THSD4: variants seen among roughly 807,000 people sequenced by gnomAD.
THSD4 encodes the protein thrombospondin type 1 domain containing 4.
THSD4 carries 69 observed loss-of-function variants against 119.0 expected under a neutral mutation model. The ratio of observed to expected loss-of-function variants is 0.58; its 90% CI spans 0.48 to 0.71. The LOEUF is 0.71. Among genes scored for constraint, THSD4 ranks in the 30% least tolerant of loss-of-function variants. THSD4 has a pLI of 0.00. For missense variants in THSD4, 1,393 were observed against 1,391.1 expected (o/e 1.00, Z -0.02); for synonymous variants, 524 against 540.4 (o/e 0.97, Z 0.42).
At chr15:71,510,337 T>C (rs2048260723) in intron 7 of THSD4, among the ~76,000 whole-genome samples, 2 of 152,230 alleles carry the variant, frequency 1.3e-5, no homozygotes, top group Admixed American at 1.3e-4. Context: ...GACAAATCTA[T>C]ACTAGGCACT....
chr15:71,480,157 C>T (rs1390448974), intron 7 of THSD4, among the ~76,000 whole-genome samples: 1 of 152,220 alleles, frequency 6.6e-6, no homozygotes, highest in Non-Finnish European at 1.5e-5. Context: ...CCACCCAAGC[C>T]TCCCAAGTAG....
At chr15:71,652,494 A>G (rs1032772599) in intron 7 of THSD4, among the ~76,000 whole-genome samples, 6 of 152,274 alleles carry the variant, frequency 3.9e-5, no homozygotes, top group African/African-American at 1.4e-4. Context: ...ATTTCAATCC[A>G]TGGAGGAGGA....
rs191394275 is a variant in THSD4, at chr15:71,459,905, A to G, written c.1152+48082A>G. ...GATTGTGTTCTCTCTTAAAGACTAT[A>G]TATTCAGTCTCACACAGCCCGGATC... On this transcript the variant is annotated intron_variant, in intron 7 of 17. Coordinates refer to ENST00000261862, the MANE Select transcript of THSD4 (RefSeq NM_024817.3). 2.6e-3 allele frequency among the ~76,000 whole-genome samples: 400 copies of G among 152,042 alleles called. 2 individuals are homozygous for G. The highest frequency in any genetic ancestry group is 9.0e-3 in the African/African-American group (374 of 41,428).
Position 71,215,390 on chromosome 15 carries a change from G to C in THSD4, c.455G>C (p.Gly152Ala), listed in dbSNP as rs1298552782. The change falls in exon 4 of 18, where the codon GGG (glycine) becomes GCG (alanine). Residue 152 changes from glycine (G) to alanine (A), a missense_variant. Physicochemically the swap from Gly to Ala is moderately conservative, Grantham distance 60. Coordinates refer to ENST00000261862, the MANE Select transcript of THSD4 (RefSeq NM_024817.3). ...CAGCCCCAGGGCCTCGAAGTCACTG[G>C]GGACAGAAGGTACACGCCCGCCCTT... ...HPQPQGLEVT[G>A]DRRSRTRGTI... 4 of 1,529,332 alleles carry C rather than the reference G, an allele frequency of 2.6e-6. No individual in the cohort carries two copies. The South Asian group carries it at 3.6e-5, about 14-fold the overall frequency. 94.7% of individuals were successfully genotyped at this position (1,529,332 alleles called of 1,614,324 possible).
rs192720960 is a variant in THSD4 at position 71,736,994 on chromosome 15, A to G, written c.1631-738A>G. On this transcript the variant is annotated intron_variant, in intron 10 of 17. Transcript: ENST00000261862. ...TTCTGCTTTTTTCTTTCACCAAACA[A>G]TATTGTCATTTCTTCATGTCGGAAC... 1.3e-3 allele frequency among the ~76,000 whole-genome samples: 203 copies of G among 152,308 alleles called. 2 individuals carry two copies. Among genetic ancestry groups the G allele is most frequent in the Middle Eastern group, 0.01 (3 of 294 alleles).
At chr15:71,138,293 C>A (rs1454327838) in intron 1 of THSD4, among the ~76,000 whole-genome samples, 3 of 152,110 alleles carry the variant, frequency 2.0e-5, no homozygotes, top group Non-Finnish European at 2.9e-5. Context: ...GGCACTCGCT[C>A]CCTATCACAA....
At chr15:71,589,099 C>G (rs1372363673) in intron 7 of THSD4, among the ~76,000 whole-genome samples, 4 of 152,140 alleles carry the variant, frequency 2.6e-5, no homozygotes, top group African/African-American at 9.7e-5. Context: ...GTTGGAGATT[C>G]ACATAGTCAT....
chr15:71,376,757 T>C (rs1374813695), intron 6 of THSD4, among the ~76,000 whole-genome samples: 1 of 152,022 alleles, frequency 6.6e-6, no homozygotes, highest in Non-Finnish European at 1.5e-5. Context: ...ATATGAAAAA[T>C]ATGATTAGGT....
chr15:71,400,306 A>G (rs2140483406), intron 6 of THSD4, among the ~76,000 whole-genome samples: 1 of 152,354 alleles, frequency 6.6e-6, no homozygotes, highest in South Asian at 2.1e-4. Context: ...TTTTCAGAAC[A>G]GGAAAAGCTA....
intron 7 of THSD4, among the ~76,000 whole-genome samples, chr15:71,459,845 A>G (rs1009522777): frequency 3.9e-5 from 6 of 152,202 alleles, no homozygotes; most frequent in Non-Finnish European, 1.5e-5. Flanking sequence ...GAGATGAGGT[A>G]TTAGGCAGAT....
chr15:71,133,297 G>GA (rs2040520278), intron 1 of THSD4, among the ~76,000 whole-genome samples: 1 of 152,198 alleles, frequency 6.6e-6, no homozygotes, highest in Admixed American at 6.5e-5. Context: ...AACAGCAGAA[G>GA]AATGGAGTGG....
At chr15:71,431,178 CA>C (rs1438584590) in intron 7 of THSD4, among the ~76,000 whole-genome samples, 1 of 152,098 alleles carries the variant, frequency 6.6e-6, no homozygotes, top group African/African-American at 2.4e-5. Flanking sequence ...GAAAACAAAA[CA>C]AAAAGAATCA....
At chr15:71,678,142 C>A (rs1022039272) in intron 8 of THSD4, among the ~76,000 whole-genome samples, 1 of 152,192 alleles carries the variant, frequency 6.6e-6, no homozygotes, top group Non-Finnish European at 1.5e-5. Context: ...CCCTAACCCA[C>A]TTGGAAGTGC....
intron 4 of THSD4, among the ~76,000 whole-genome samples, chr15:71,237,036 C>T (rs1246091529): frequency 3.3e-5 from 5 of 152,160 alleles, no homozygotes; most frequent in African/African-American, 1.2e-4. Context: ...AATAAAGTCC[C>T]TTGGCCTACT....
At chr15:71,413,080 C>T (rs2046711517) in intron 7 of THSD4, among the ~76,000 whole-genome samples, 1 of 152,118 alleles carries the variant, frequency 6.6e-6, no homozygotes, top group African/African-American at 2.4e-5. Context: ...GGCACAATCT[C>T]AGCTCACTGC....
intron 7 of THSD4, among the ~76,000 whole-genome samples, chr15:71,595,761 G>A (rs1376715190): frequency 1.3e-5 from 2 of 152,160 alleles, no homozygotes; most frequent in Non-Finnish European, 2.9e-5. Context: ...ATCACCCCAA[G>A]ATCTGCTAGT....
chr15:71,750,212 A>G (rs1252511870), intron 14 of THSD4, among the ~76,000 whole-genome samples: 1 of 152,146 alleles, frequency 6.6e-6, no homozygotes, highest in Non-Finnish European at 1.5e-5. Context: ...AACAACAACC[A>G]TAGTATCTCA....
chr15:71,571,737 A>AG (rs145919688), intron 7 of THSD4, among the ~76,000 whole-genome samples: 22,835 of 152,038 alleles, frequency 0.15, 2,300 homozygotes, highest in East Asian at 0.49. Flanking sequence ...AGGAAGTCTC[A>AG]CCTTTACCTA....
At chr15:71,553,276 A>G (rs1443834439) in intron 7 of THSD4, among the ~76,000 whole-genome samples, 1 of 151,258 alleles carries the variant, frequency 6.6e-6, no homozygotes, top group Non-Finnish European at 1.5e-5. Flanking sequence ...CTTCCAGAAT[A>G]CAGTACTGAA....
Sources: gnomAD v4.1 joint callset for allele counts (sites outside exome capture counted in the v4.1 genomes callset) on GRCh38, gnomAD v4.1.1 for gene constraint, MANE v1.5 for transcripts, NCBI Gene and HGNC (gene_info 2026-07-23, HGNC 2026-07-21) for gene names.